The following IL3RA variants were observed in gnomAD, a reference collection of about 807,000 sequenced individuals.
The protein encoded by IL3RA is interleukin-3 receptor subunit alpha.
Under a neutral mutation model 52.3 loss-of-function variants are expected in IL3RA, and 73 were observed. The ratio of observed to expected loss-of-function variants is 1.40; its 90% CI spans 1.16 to 1.70. The LOEUF (loss-of-function observed/expected upper bound fraction) is 1.70. Among genes scored for constraint, IL3RA ranks in the 40% most tolerant of loss-of-function variants. The probability of loss-of-function intolerance (pLI) is 0.00; values close to 1 mark genes in which losing one functional copy is unlikely to be tolerated. For synonymous variants in IL3RA, 260 were observed against 194.0 expected (o/e 1.34, Z -2.83); for missense variants, 664 against 504.4 (o/e 1.32, Z -3.03).
chrX:1,345,590 T>C (rs756688195), intron 3 of IL3RA, among the ~76,000 whole-genome samples, 156 bp downstream of exon 3: 131 of 151,874 alleles, frequency 8.6e-4, no homozygotes, highest in Middle Eastern at 3.4e-3. Flanking sequence ...CCCAGGTCCA[T>C]GCCATTCTCC....
At chrX:1,348,365 G>C (rs1223474447) in intron 3 of IL3RA, 66 bp from the exon 4 acceptor site, 75 of 1,292,084 alleles carry the variant, frequency 5.8e-5, no homozygotes, top group Admixed American at 5.1e-5. Flanking sequence ...AAAAAAATCT[G>C]AACATCATTA....
At chrX:1,342,987 G>A (rs1381413229) in intron 2 of IL3RA, among the ~76,000 whole-genome samples, 45 of 151,576 alleles carry the variant, frequency 3.0e-4, no homozygotes, top group Middle Eastern at 3.4e-3. Flanking sequence ...AGGCAGGAGA[G>A]TCGCTTGAAC....
At chrX:1,356,046 T>C (rs1366989702) in intron 6 of IL3RA, among the ~76,000 whole-genome samples, 175 bp from the exon 7 acceptor site, 49 of 152,066 alleles carry the variant, frequency 3.2e-4, no homozygotes, top group Non-Finnish European at 6.2e-4. Context: ...GGCTCAGTCC[T>C]GTGTCTCTGC....
intron 7 of IL3RA, among the ~76,000 whole-genome samples, chrX:1,357,283 T>G (rs2086806767): frequency 6.6e-6 from 1 of 151,624 alleles, no homozygotes. Context: ...GTATTTTATT[T>G]TATTGTATTT....
At chrX:1,354,455 AAGG>A (rs1471170015) in intron 6 of IL3RA, among the ~76,000 whole-genome samples, 2 of 149,468 alleles carry the variant, frequency 1.3e-5, no homozygotes, top group Admixed American at 6.7e-5. Context: ...GGAGAAGGAC[AAGG>A]AGAAGAGAAG....
At chrX:1,352,543 C>A (rs751016731) in intron 6 of IL3RA, 37 bp downstream of exon 6, 8 of 1,597,536 alleles carry the variant, frequency 5.0e-6, no homozygotes, top group African/African-American at 2.7e-5. Flanking sequence ...ACCCTCAGTT[C>A]TGTGATACCA....
chrX:1,345,935 T>C (rs1225634525), intron 3 of IL3RA, among the ~76,000 whole-genome samples: 2 of 152,146 alleles, frequency 1.3e-5, no homozygotes, highest in Admixed American at 6.5e-5. Context: ...GAGGGTCTGG[T>C]TCCCCGTCCG....
At chrX:1,377,545 A>T (rs2088857749) in intron 9 of IL3RA, among the ~76,000 whole-genome samples, 2 of 151,664 alleles carry the variant, frequency 1.3e-5, no homozygotes, top group South Asian at 4.2e-4. Flanking sequence ...GCCCGGCCAA[A>T]TTCCTTTTTT....
intron 4 of IL3RA, among the ~76,000 whole-genome samples, chrX:1,349,186 C>CT (rs1228715909): frequency 0.082 from 7,255 of 88,606 alleles, 539 homozygotes; most frequent in African/African-American, 0.3. Flanking sequence ...TTTTTAAACA[C>CT]CTTTTTTTTT....
chrX:1,348,188 A>G (rs1345595171), intron 3 of IL3RA, among the ~76,000 whole-genome samples: 2 of 150,358 alleles, frequency 1.3e-5, no homozygotes, highest in Non-Finnish European at 2.9e-5. Flanking sequence ...CTCTACCCAG[A>G]AAAATACTTT....
intron 9 of IL3RA, among the ~76,000 whole-genome samples, chrX:1,365,501 CCGGGTGAGCGGGGTGCGCGG>C (rs1247123667): frequency 1.6e-4 from 6 of 37,524 alleles, no homozygotes; most frequent in African/African-American, 1.5e-3. Flanking sequence ...GCGGGGTGAG[CCGGGTGAGCGGGGTGCGCGG>C]GGTGAGCGGG....
chrX:1,348,643 TC>T (rs1380078340), intron 4 of IL3RA, 98 bp downstream of exon 4: 15 of 554,068 alleles, frequency 2.7e-5, no homozygotes, highest in Middle Eastern at 4.0e-4. Flanking sequence ...CTTTTCTTTT[TC>T]TCTTTCTTTC....
chrX:1,361,660 G>C (rs2087385592), intron 8 of IL3RA, among the ~76,000 whole-genome samples: 1 of 150,712 alleles, frequency 6.6e-6, no homozygotes, highest in Admixed American at 6.7e-5. Flanking sequence ...GGCTGAAGCA[G>C]GAGAATCGCT....
intron 9 of IL3RA, among the ~76,000 whole-genome samples, chrX:1,378,332 G>C (rs1210469936): frequency 2.6e-5 from 4 of 152,162 alleles, no homozygotes; most frequent in African/African-American, 9.7e-5. Flanking sequence ...CTGCCGGCCT[G>C]CTGGGCACAG....
chrX:1,349,597 C>T (rs1172429952), intron 4 of IL3RA, among the ~76,000 whole-genome samples: 1 of 152,124 alleles, frequency 6.6e-6, no homozygotes, highest in African/African-American at 2.4e-5. Flanking sequence ...TAAGCATCAG[C>T]CACCACGCCT....
At chrX:1,348,990 C>G (rs2085952393) in intron 4 of IL3RA, among the ~76,000 whole-genome samples, 2 of 148,658 alleles carry the variant, frequency 1.3e-5, no homozygotes, top group Non-Finnish European at 3.0e-5. Context: ...TCTCTTTCCC[C>G]CTCCCCTCCC....
chrX:1,354,099 TCATCATGGGTCATGGGTCC>T (rs1468464213), intron 6 of IL3RA, among the ~76,000 whole-genome samples: 60 of 142,446 alleles, frequency 4.2e-4, no homozygotes, highest in African/African-American at 1.4e-3. Flanking sequence ...ATGGAATCCC[TCATCATGGGTCATGGGTCC>T]CATCATGGGT....
rs1377583413 is a variant in IL3RA, at chrX:1,345,242, A to AAC, written c.65-73_65-72insCA. On this transcript the variant is annotated intron_variant, in intron 2 of 11. Transcript: ENST00000331035. Reference sequence around the variant, plus strand: ...TGGCTAACTCCACGGGCAAAAAAAAAAAACCATACCCCTTACAATGCCGTT... The same window carrying AAC: ...TGGCTAACTCCACGGGCAAAAAAAAAACAAACCATACCCCTTACAATGCCGTT... The AAC allele has an allele frequency of 5.2e-6, 5 of 955,172 alleles. No individual in the cohort carries two copies. In the Admixed American group the frequency reaches 6.9e-5, roughly 13 times the overall value. 59.2% of individuals were successfully genotyped at this position (955,172 alleles called of 1,614,324 possible). A position where few individuals can be genotyped will look rare whatever the true frequency, so the allele number is the denominator to read the frequency against.
chrX:1,348,974 T>A (rs2085950638), intron 4 of IL3RA, among the ~76,000 whole-genome samples: 1 of 148,518 alleles, frequency 6.7e-6, no homozygotes, highest in Non-Finnish European at 1.5e-5. Context: ...TCTCTCTCTC[T>A]CTTTCTCTCT....
Sources: gnomAD v4.1 joint callset for allele counts (sites outside exome capture counted in the v4.1 genomes callset) on GRCh38, gnomAD v4.1.1 for gene constraint, MANE v1.5 for transcripts, NCBI Gene and HGNC (gene_info 2026-07-23, HGNC 2026-07-21) for gene names.